The following TTC19 variants were observed in gnomAD, a reference collection of about 807,000 sequenced individuals.
The protein encoded by TTC19 is tetratricopeptide repeat protein 19, mitochondrial.
Under a neutral mutation model 49.5 loss-of-function variants are expected in TTC19, and 38 were observed. The observed-to-expected ratio is 0.77, with a 90% CI of 0.59 to 1.01. The LOEUF is 1.01. Among genes scored for constraint, TTC19 ranks in the 50% least tolerant of loss-of-function variants. The probability of loss-of-function intolerance (pLI) is 0.00; values close to 1 mark genes in which losing one functional copy is unlikely to be tolerated. For missense variants in TTC19, 475 were observed against 477.7 expected (o/e 0.99, Z 0.05); for synonymous variants, 204 against 185.2 (o/e 1.10, Z -0.83).
intron 2 of TTC19, among the ~76,000 whole-genome samples, chr17:16,000,726 C>G (rs1339744742): frequency 1.3e-5 from 2 of 152,074 alleles, no homozygotes; most frequent in Non-Finnish European, 2.9e-5. Context: ...TAAATACCTA[C>G]TCGATGCCAA....
chr17:16,041,862 G>A (rs1477976177), intron 2 of TTC19, among the ~76,000 whole-genome samples: 1 of 151,886 alleles, frequency 6.6e-6, no homozygotes, highest in Admixed American at 6.6e-5. Flanking sequence ...TCAGCCCCCC[G>A]AGTGGCTGGG....
intron 2 of TTC19, chr17:16,040,315 T>C: frequency 1.2e-6 from 1 of 806,348 alleles, no homozygotes; most frequent in Non-Finnish European, 2.1e-6. Flanking sequence ...CACTAAATTA[T>C]TTATTTATTT....
downstream of TTC19, among the ~76,000 whole-genome samples, chr17:16,033,971 C>G (rs761655566): frequency 6.6e-6 from 1 of 152,306 alleles, no homozygotes; most frequent in East Asian, 1.9e-4. Context: ...GCTGGGATAA[C>G]AGGCATGAGC....
intron 6 of TTC19, among the ~76,000 whole-genome samples, chr17:16,005,358 G>C (rs1175472807): frequency 6.6e-6 from 1 of 152,180 alleles, no homozygotes; most frequent in Non-Finnish European, 1.5e-5. Flanking sequence ...CTCTTGCCAA[G>C]TTTTGAGCGT....
chr17:16,003,422 CTTAT>C (rs149202647), intron 4 of TTC19, among the ~76,000 whole-genome samples: 139,048 of 148,650 alleles, frequency 0.94, 65,595 homozygotes, highest in Non-Finnish European at 1. Context: ...GGCTAATTTT[CTTAT>C]TTATTTATTT....
At chr17:16,044,831 G>T in exon 3 of TTC19, 1 of 1,065,060 alleles carries the variant, frequency 9.4e-7, no homozygotes. Context: ...ACCTGCTCCA[G>T]CAGCTGGTGC....
chr17:16,024,810 AT>A (rs1383659984), intron 7 of TTC19: 2 of 582,310 alleles, frequency 3.4e-6, no homozygotes, highest in Non-Finnish European at 6.1e-6. Flanking sequence ...AACATTCCAC[AT>A]TTTAATTGAT....
intron 2 of TTC19, among the ~76,000 whole-genome samples, chr17:16,000,727 T>G (rs1315633425): frequency 1.3e-5 from 2 of 152,142 alleles, no homozygotes; most frequent in African/African-American, 4.8e-5. Context: ...AAATACCTAC[T>G]CGATGCCAAC....
intron 7 of TTC19, among the ~76,000 whole-genome samples, chr17:16,015,157 A>G (rs1332103939): frequency 2.0e-5 from 3 of 152,332 alleles, no homozygotes; most frequent in East Asian, 1.9e-4. Context: ...CTATTCTGAA[A>G]TAAGTGTGGG....
chr17:16,028,510 C>T lies in TTC19; in HGVS notation c.*988C>T, dbSNP rs779126381. ...TGGGGGAAGGTATTTGGTTAGATGA[C>T]TTTGAATGAATAGACTGCTGTGCTG... On this transcript the variant is annotated 3_prime_UTR_variant, in exon 10 of 10. Coordinates refer to ENST00000261647, the MANE Select transcript of TTC19 (RefSeq NM_017775.4). 5 of 453,838 alleles carry T rather than the reference C, an allele frequency of 1.1e-5. No individual in the cohort carries two copies. Among genetic ancestry groups the T allele is most frequent in the South Asian group, 6.2e-5 (4 of 64,462 alleles). The allele number at this position is 453,838 out of a possible 1,614,324, so 28.1% of individuals were successfully genotyped here.
intron 2 of TTC19, chr17:16,039,797 T>C (rs971131822): frequency 2.1e-5 from 13 of 626,228 alleles, no homozygotes; most frequent in South Asian, 1.2e-4. Context: ...CACAGAGACC[T>C]TTTTTTTTGG....
At chr17:16,010,513 C>T (rs886884849) in intron 7 of TTC19, among the ~76,000 whole-genome samples, 16 of 138,194 alleles carry the variant, frequency 1.2e-4, no homozygotes, top group Admixed American at 3.6e-4. Context: ...CCCGCTCTGT[C>T]GCCCAGGCTG....
In TTC19 at chr17:16,004,386, TC is replaced by T; in HGVS notation, c.581+126del. The T allele has an allele frequency of 8.8e-6, 8 of 906,984 alleles. No individual in the cohort carries two copies. In the South Asian group the frequency reaches 1.1e-4, roughly 12 times the overall value. The allele number at this position is 906,984 out of a possible 1,614,324, so 56.2% of individuals were successfully genotyped here. ...AAATTGGGTGTCACACTCAAAGTGT[TC>T]CATCCCTCATCTTTGAAATTGTCAG... is the stretch of plus-strand genomic sequence containing the variant. On this transcript the variant is annotated intron_variant, in intron 6 of 9. Coordinates refer to ENST00000261647, the MANE Select transcript of TTC19 (RefSeq NM_017775.4).
chr17:16,015,203 C>G (rs185678117), intron 7 of TTC19, among the ~76,000 whole-genome samples: 1 of 152,154 alleles, frequency 6.6e-6, no homozygotes, highest in Non-Finnish European at 1.5e-5. Flanking sequence ...TTGAAAGTTG[C>G]AGAGTCTGTG....
At chr17:16,002,072 G>T (rs1410746176) in intron 3 of TTC19, 47 bp downstream of exon 3, 26 of 1,258,164 alleles carry the variant, frequency 2.1e-5, no homozygotes, top group Non-Finnish European at 3.0e-5. Context: ...AGGTTGGATG[G>T]GAGGGAAGGG....
At chr17:16,004,137 A>G in intron 5 of TTC19, 64 bp from the exon 6 acceptor site, 1 of 1,494,012 alleles carries the variant, frequency 6.7e-7, no homozygotes, top group Non-Finnish European at 9.3e-7. Context: ...CTGGAAGTTG[A>G]TCTGAAATAT....
Position 16,028,911 on chromosome 17 carries a change from C to T in TTC19, c.*1389C>T, listed in dbSNP as rs1344024747. 2 of 407,182 alleles carry T rather than the reference C, an allele frequency of 4.9e-6. No homozygotes were observed. Among genetic ancestry groups the T allele is most frequent in the Admixed American group, 3.1e-5 (1 of 32,534 alleles). 25.2% of individuals were successfully genotyped at this position (407,182 alleles called of 1,614,324 possible). Reference sequence around the variant, plus strand: ...CAAATCCTCAGGGATTAGACTAAAACTAGAGTTTTGTATGTTGCAGATGTA... The same window carrying T: ...CAAATCCTCAGGGATTAGACTAAAATTAGAGTTTTGTATGTTGCAGATGTA... On this transcript the variant is annotated 3_prime_UTR_variant, in exon 10 of 10. Coordinates refer to ENST00000261647, the MANE Select transcript of TTC19 (RefSeq NM_017775.4).
Position 16,002,901 on chromosome 17 carries a change from GTACAGGC to G in TTC19, c.462+73_462+79del. 2.8e-6 allele frequency: 4 copies of G among 1,406,206 alleles called. No individual in the cohort carries two copies. In the African/African-American group the frequency reaches 4.2e-5, roughly 15 times the overall value. The allele number at this position is 1,406,206 out of a possible 1,614,324, so 87.1% of individuals were successfully genotyped here. ...CTTCAAGGGAACTGTAATAGTAAGA[GTACAGGC>G]TAAGCTGCTATAACAAAGAGACCCT... is the stretch of plus-strand genomic sequence containing the variant. On this transcript the variant is annotated intron_variant, in intron 4 of 9. Transcript: ENST00000261647.
At chr17:16,040,654 T>C (rs1045528800) in intron 2 of TTC19, 1 of 724,296 alleles carries the variant, frequency 1.4e-6, no homozygotes, top group African/African-American at 1.8e-5. Context: ...AAGTATTTTT[T>C]TTTTTTGAGA....
Sources: allele counts gnomAD v4.1 joint callset (sites outside exome capture counted in the v4.1 genomes callset), GRCh38; gene constraint gnomAD v4.1.1; transcripts MANE v1.5; gene names NCBI Gene and HGNC (gene_info 2026-07-23, HGNC 2026-07-21).